ACYP1: variants seen among roughly 807,000 people sequenced by gnomAD.
ACYP1 encodes acylphosphatase-1.
A neutral mutation model predicts 10.4 loss-of-function variants in ACYP1; 8 were observed. That is an observed-to-expected ratio of 0.77 (90% CI 0.45 to 1.38). The LOEUF (loss-of-function observed/expected upper bound fraction) is 1.38, where lower values mean the gene tolerates loss of function less well. Ranked by LOEUF, ACYP1 falls within the 40% of genes most tolerant of loss-of-function variation. ACYP1 has a pLI of 0.00. For synonymous variants in ACYP1, 38 were observed against 40.8 expected (o/e 0.93, Z 0.26); for missense variants, 93 against 117.3 (o/e 0.79, Z 0.96).
At chr14:75,068,495 G>C (rs1893201156), upstream of ACYP1, among the ~76,000 whole-genome samples, 1 of 151,712 alleles carries the variant, frequency 6.6e-6, no homozygotes, top group Non-Finnish European at 1.5e-5. Flanking sequence ...AGAGAGAGAG[G>C]AGAGAGGGAG....
chr14:75,066,853 G>T (rs988451064), upstream of ACYP1, among the ~76,000 whole-genome samples: 2 of 151,670 alleles, frequency 1.3e-5, no homozygotes, highest in African/African-American at 2.4e-5. Context: ...CTGTCTCAAA[G>T]AAAAAAAGGA....
chr14:75,057,916 G>A (rs1260864984), intron 2 of ACYP1, among the ~76,000 whole-genome samples: 3 of 114,102 alleles, frequency 2.6e-5, no homozygotes, highest in African/African-American at 1.0e-4. Flanking sequence ...AGTGAGCCGA[G>A]ATCGCACTAC....
At chr14:75,066,932 A>C (rs1323042805), upstream of ACYP1, among the ~76,000 whole-genome samples, 1 of 152,226 alleles carries the variant, frequency 6.6e-6, no homozygotes, top group Non-Finnish European at 1.5e-5. Flanking sequence ...TGGAAGACTG[A>C]TGCTGTGAGC....
At chr14:75,060,172 C>A in intron 2 of ACYP1, 1 of 623,690 alleles carries the variant, frequency 1.6e-6, no homozygotes, top group Admixed American at 2.7e-5. Flanking sequence ...TGGGATTTTC[C>A]AGTTATCCTT....
exon 1 of ACYP1, chr14:75,069,277 G>A (rs1893236720): frequency 6.9e-7 from 1 of 1,448,222 alleles, no homozygotes; most frequent in Non-Finnish European, 9.0e-7. Flanking sequence ...CCGCCAGGCG[G>A]GCGGACGCCG....
In ACYP1 at chr14:75,063,981, G is replaced by A. The variant is rs370975599; in HGVS notation, c.-36C>T. On this transcript the variant is annotated 5_prime_UTR_variant, in exon 1 of 3. Coordinates refer to ENST00000238618, the MANE Select transcript of ACYP1 (RefSeq NM_001107.5). ...TCCTTGTCTTCCCCACCGGCTGCCA[G>A]GATCACTCCGGGACCACCACGCCAA... is the stretch of plus-strand genomic sequence containing the variant. 9.0e-6 allele frequency: 9 copies of A among 998,296 alleles called. No individual in the cohort carries two copies. The East Asian group carries it at 6.3e-4, about 70-fold the overall frequency. 61.8% of individuals were successfully genotyped at this position (998,296 alleles called of 1,614,324 possible).
chr14:75,055,011 A>T (rs1304536650), intron 2 of ACYP1, among the ~76,000 whole-genome samples: 1 of 150,652 alleles, frequency 6.6e-6, no homozygotes, highest in Non-Finnish European at 1.5e-5. Context: ...AAGAATGTGC[A>T]GTTTTAAACA....
At chr14:75,063,816 T>G in intron 1 of ACYP1, 138 bp downstream of exon 1, 4 of 738,364 alleles carry the variant, frequency 5.4e-6, no homozygotes, top group Non-Finnish European at 7.8e-6. Flanking sequence ...TGAGGACCGA[T>G]GACCTCCTTA....
exon 1 of ACYP1, chr14:75,069,301 G>C (rs545259468): frequency 7.0e-7 from 1 of 1,428,608 alleles, no homozygotes; most frequent in Non-Finnish European, 9.1e-7. Flanking sequence ...TCCTGCGGCG[G>C]AAGCACGCGG....
chr14:75,053,674 AAG>A lies in ACYP1; in HGVS notation c.85-17_85-16del, dbSNP rs751558712. On this transcript the variant is annotated splice_polypyrimidine_tract_variant and intron_variant, in intron 2 of 2. Coordinates refer to ENST00000238618, the MANE Select transcript of ACYP1 (RefSeq NM_001107.5). ...TTACCCTCAGCCTAAGGGGGGTAAA[AAG>A]AGAGAGAGATCCAGTGAGATTGAAG... The A allele has an allele frequency of 3.3e-5, 53 of 1,609,148 alleles. No homozygotes were observed. Among genetic ancestry groups the A allele is most frequent in the Middle Eastern group, 3.3e-4 (2 of 6,076 alleles).
Position 75,061,763 on chromosome 14 carries a change from C to T in ACYP1, c.84+1707G>A. 3 of 1,573,470 alleles carry T rather than the reference C, an allele frequency of 1.9e-6. No individual in the cohort carries two copies. In the South Asian group the frequency reaches 3.4e-5, roughly 18 times the overall value. Reference sequence around the variant, plus strand: ...CAATTCTGTTTTCAACAGTCATTTCCTATTTGAGTGTCAGATGGGAAGAAA... The same window carrying T: ...CAATTCTGTTTTCAACAGTCATTTCTTATTTGAGTGTCAGATGGGAAGAAA... On this transcript the variant is annotated intron_variant, in intron 2 of 2. Coordinates refer to ENST00000238618, the MANE Select transcript of ACYP1 (RefSeq NM_001107.5).
chr14:75,056,580 C>G (rs930304713), intron 2 of ACYP1, among the ~76,000 whole-genome samples: 1 of 150,792 alleles, frequency 6.6e-6, no homozygotes, highest in African/African-American at 2.5e-5. Context: ...GAAAAAACAA[C>G]CAAAAAACCA....
At chr14:75,062,451 T>A (rs1264336725) in intron 2 of ACYP1, among the ~76,000 whole-genome samples, 1 of 151,694 alleles carries the variant, frequency 6.6e-6, no homozygotes, top group African/African-American at 2.4e-5. Context: ...ACATTCATGT[T>A]TCAAAGATTC....
intron 2 of ACYP1, chr14:75,063,217 A>G: frequency 2.1e-6 from 1 of 472,656 alleles, no homozygotes; most frequent in Non-Finnish European, 3.9e-6. Flanking sequence ...TTCCCTTGGA[A>G]GAGAGAAGCT....
rs1244660392 is a variant in ACYP1, at chr14:75,055,077, CTCTT to C, written c.85-1422_85-1419del. The stretch of plus-strand genomic sequence containing the variant: ...AAATTTGCAATGTGATTTATCTGAA[CTCTT>C]TTTTTTTTTTTTTTTTTTTTTTTGA... On this transcript the variant is annotated intron_variant, in intron 2 of 2. Coordinates refer to ENST00000238618, the MANE Select transcript of ACYP1 (RefSeq NM_001107.5). Among the ~76,000 whole-genome samples the C allele has an allele frequency of 4.6e-5, 5 of 107,970 alleles. 1 individual carries two copies. Among genetic ancestry groups the C allele is most frequent in the South Asian group, 6.4e-4 (2 of 3,142 alleles). 70.8% of individuals were successfully genotyped at this position (107,970 alleles called of 152,430 possible). A position where few individuals can be genotyped will look rare whatever the true frequency, so the allele number is the denominator to read the frequency against.
chr14:75,063,349 AC>A (rs1893075432), intron 2 of ACYP1, 120 bp downstream of exon 2: 1 of 752,048 alleles, frequency 1.3e-6, no homozygotes, highest in Non-Finnish European at 2.3e-6. Flanking sequence ...TCTACAAACT[AC>A]CTCTTTGCCA....
chr14:75,057,991 A>AAAC (rs1248077503), intron 2 of ACYP1, among the ~76,000 whole-genome samples: 2 of 147,502 alleles, frequency 1.4e-5, no homozygotes, highest in East Asian at 4.0e-4. Flanking sequence ...AAAAAAAAGA[A>AAAC]CTACCTGCTG....
chr14:75,067,787 G>A (rs929982576), upstream of ACYP1, among the ~76,000 whole-genome samples: 4 of 151,854 alleles, frequency 2.6e-5, no homozygotes, highest in East Asian at 1.9e-4. Flanking sequence ...TGACTCCAGG[G>A]GTTTGAGACC....
At chr14:75,059,414 C>T (rs1038973835) in intron 2 of ACYP1, among the ~76,000 whole-genome samples, 1 of 152,048 alleles carries the variant, frequency 6.6e-6, no homozygotes, top group Non-Finnish European at 1.5e-5. Flanking sequence ...TTAGATATAA[C>T]ACTAAAAGTG....
Sources: allele counts gnomAD v4.1 joint callset (sites outside exome capture counted in the v4.1 genomes callset), GRCh38; gene constraint gnomAD v4.1.1; transcripts MANE v1.5; gene names NCBI Gene and HGNC (gene_info 2026-07-23, HGNC 2026-07-21).